Variants in AMOTL1 observed in about 807,000 individuals in gnomAD.
AMOTL1 encodes the protein angiomotin-like protein 1.
In AMOTL1, 45 loss-of-function variants were observed where a neutral mutation model predicts 102.9. That is an observed-to-expected ratio of 0.44 (90% confidence interval 0.34 to 0.56). The LOEUF (loss-of-function observed/expected upper bound fraction) is 0.56. AMOTL1 is among the 20% of genes least tolerant of loss of function. The pLI is 0.01. For missense variants in AMOTL1, 1,114 were observed against 1,225.6 expected (o/e 0.91, Z 1.36); for synonymous variants, 481 against 484.7 (o/e 0.99, Z 0.10).
In AMOTL1 at chr11:94,811,774, G is replaced by C. The variant is rs1951687626; in HGVS notation, c.1122-9756G>C. Among the ~76,000 whole-genome samples, 5 of 152,160 alleles carry C rather than the reference G, an allele frequency of 3.3e-5. No homozygotes were observed. In the South Asian group the frequency reaches 1.0e-3, roughly 32 times the overall value. On this transcript the variant is annotated intron_variant, in intron 3 of 12. Transcript: ENST00000433060. ...CAATTACTGAGCACTTTAAAGTTAA[G>C]GAGAAATTAAGACCAGCTGGTTGTT...
In AMOTL1 at chr11:94,713,266, T is replaced by C. The variant is rs544088091; in HGVS notation, c.-51+6669T>C. ...TTTTGAGTATTTGACTAATATTATA[T>C]AGTAAGTTGCATGGTAGCTTTATAA... On this transcript the variant is annotated intron_variant, in intron 1 of 4. Coordinates refer to the AMOTL1 transcript ENST00000299004. Among the ~76,000 whole-genome samples the C allele has an allele frequency of 1.6e-4, 24 of 152,058 alleles. No homozygotes were observed. The South Asian group carries it at 4.3e-3, about 28-fold the overall frequency.
chr11:94,761,070 G>A (rs1264988490), intron 3 of AMOTL1, among the ~76,000 whole-genome samples: 3 of 151,912 alleles, frequency 2.0e-5, no homozygotes, highest in East Asian at 1.9e-4. Flanking sequence ...CAATGTGCTC[G>A]GCCAATATTT....
intron 1 of AMOTL1, among the ~76,000 whole-genome samples, chr11:94,707,018 G>C (rs1949939477): frequency 6.6e-6 from 1 of 152,018 alleles, no homozygotes; most frequent in Admixed American, 6.6e-5. Flanking sequence ...GGAGAGCCTT[G>C]ATTTGCTGTT....
At chr11:94,731,627 CT>C (rs746432415) in intron 2 of AMOTL1, among the ~76,000 whole-genome samples, 12 of 152,142 alleles carry the variant, frequency 7.9e-5, no homozygotes, top group Admixed American at 2.0e-4. Context: ...TACACTAAGC[CT>C]TTTTTGTATA....
intron 3 of AMOTL1, among the ~76,000 whole-genome samples, chr11:94,757,931 G>A (rs747545391): frequency 6.6e-6 from 1 of 152,138 alleles, no homozygotes; most frequent in East Asian, 1.9e-4. Context: ...GCATGGTGGC[G>A]CATGCCTGCA....
In AMOTL1 at chr11:94,768,574, A is replaced by T; in HGVS notation, c.49+14A>T. 6.3e-7 allele frequency: 1 copy of T among 1,587,154 alleles called. No homozygotes were observed. The highest frequency in any genetic ancestry group is 8.6e-7 in the Non-Finnish European group (1 of 1,167,578). ...CTGCGGTGAAAGGTAACCAGCCCCC[A>T]CTCGAGGTGCCGGGAGGGCGTCTCC... On this transcript the variant is annotated intron_variant, in intron 1 of 12. Transcript: ENST00000433060.
intron 3 of AMOTL1, among the ~76,000 whole-genome samples, chr11:94,746,534 G>T (rs924019669): frequency 6.6e-6 from 1 of 152,144 alleles, no homozygotes; most frequent in African/African-American, 2.4e-5. Context: ...CATTCAGCTT[G>T]GTTTCCTCCA....
intron 6 of AMOTL1, among the ~76,000 whole-genome samples, chr11:94,840,654 G>GTGTATATATATA (rs1491188793): frequency 1.3e-4 from 15 of 111,282 alleles, no homozygotes; most frequent in African/African-American, 5.6e-4. Flanking sequence ...CTTAAAAAAC[G>GTGTATATATATA]TATATATATA....
chr11:94,791,510 A>C (rs1951285442), intron 1 of AMOTL1, among the ~76,000 whole-genome samples: 1 of 152,238 alleles, frequency 6.6e-6, no homozygotes, highest in African/African-American at 2.4e-5. Flanking sequence ...AGTTACCTAC[A>C]AAGTCCAGAA....
intron 3 of AMOTL1, among the ~76,000 whole-genome samples, chr11:94,816,263 G>A (rs887286038): frequency 2.0e-5 from 3 of 151,978 alleles, no homozygotes; most frequent in Non-Finnish European, 4.4e-5. Context: ...CTGTTTGTTT[G>A]TTGTGGCCTT....
intron 1 of AMOTL1, among the ~76,000 whole-genome samples, chr11:94,772,301 G>A (rs1368183850): frequency 1.3e-5 from 2 of 149,822 alleles, no homozygotes; most frequent in African/African-American, 4.9e-5. Flanking sequence ...CCACAATCAA[G>A]GTACAGACTA....
chr11:94,776,969 A>G (rs929859050), intron 1 of AMOTL1, among the ~76,000 whole-genome samples: 1 of 152,232 alleles, frequency 6.6e-6, no homozygotes, highest in Admixed American at 6.5e-5. Flanking sequence ...AGATTAGGAA[A>G]TGTGCTTTTT....
At chr11:94,822,451 C>CA (rs1951883986) in intron 4 of AMOTL1, among the ~76,000 whole-genome samples, 1 of 152,092 alleles carries the variant, frequency 6.6e-6, no homozygotes, top group Admixed American at 6.5e-5. Context: ...AATAAAACCA[C>CA]AGAGAAATGA....
At chr11:94,727,825 C>A (rs1295021756) in intron 1 of AMOTL1, among the ~76,000 whole-genome samples, 1 of 152,178 alleles carries the variant, frequency 6.6e-6, no homozygotes, top group Non-Finnish European at 1.5e-5. Context: ...GCACTACATT[C>A]TTTGGTACTT....
At chr11:94,746,633 TG>T (rs1489641819) in intron 3 of AMOTL1, among the ~76,000 whole-genome samples, 1 of 152,198 alleles carries the variant, frequency 6.6e-6, no homozygotes, top group Non-Finnish European at 1.5e-5. Flanking sequence ...CATGTCCTCC[TG>T]GTGGTTTTCC....
chr11:94,719,698 T>C (rs1950148152), intron 1 of AMOTL1, among the ~76,000 whole-genome samples: 1 of 152,098 alleles, frequency 6.6e-6, no homozygotes, highest in Admixed American at 6.6e-5. Flanking sequence ...ATACTACTGA[T>C]GAGTGAGCCT....
intron 6 of AMOTL1, 122 bp from the exon 7 acceptor site, chr11:94,849,992 A>G: frequency 4.6e-5 from 52 of 1,142,790 alleles, no homozygotes; most frequent in Non-Finnish European, 5.8e-5. Context: ...AGAAACAGCA[A>G]TTCAGTCCTC....
intron 6 of AMOTL1, 48 bp from the exon 7 acceptor site, chr11:94,850,066 G>A (rs754805013): frequency 6.4e-7 from 1 of 1,550,430 alleles, no homozygotes; most frequent in Non-Finnish European, 8.7e-7. Context: ...GAGCCCAGAG[G>A]GTGTGCAATT....
rs777645101 is a variant in AMOTL1, at chr11:94,870,745, C to T, written c.2821C>T (p.Leu941=). The T allele has an allele frequency of 5.6e-6, 9 of 1,603,908 alleles. No individual in the cohort carries two copies. In the East Asian group the frequency reaches 1.3e-4, roughly 24 times the overall value. ...PDHRGRVSSL[L]HKPEFPDGEM... ...CCACAGAGGCCGGGTCAGCAGCTTG[C>T]TGCACAAGCCCGAGTTCCCTGATGG... The change falls in exon 13 of 13, where the codon CTG becomes TTG. Residue 941 remains leucine (L), a synonymous_variant. Transcript: ENST00000433060.
Sources: gnomAD v4.1 joint callset for allele counts (sites outside exome capture counted in the v4.1 genomes callset) on GRCh38, gnomAD v4.1.1 for gene constraint, MANE v1.5 for transcripts, NCBI Gene and HGNC (gene_info 2026-07-23, HGNC 2026-07-21) for gene names.